The following PPRC1 variants were observed in gnomAD, a reference collection of about 807,000 sequenced individuals.
PPRC1 encodes the protein PPARG related coactivator 1.
PPRC1 carries 23 observed loss-of-function variants against 132.5 expected under a neutral mutation model. The ratio of observed to expected loss-of-function variants is 0.17; its 90% CI spans 0.12 to 0.25. The LOEUF is 0.25. Ranked by LOEUF, PPRC1 falls within the 10% of genes least tolerant of loss-of-function variation. The probability of loss-of-function intolerance (pLI) is 1.00; values close to 1 mark genes in which losing one functional copy is unlikely to be tolerated. For missense variants in PPRC1, 2,006 were observed against 2,089.1 expected (o/e 0.96, Z 0.78); for synonymous variants, 872 against 833.5 (o/e 1.05, Z -0.80).
the PPRC1 span, among the ~76,000 whole-genome samples, chr10:102,127,582 A>G: frequency 2.0e-5 from 3 of 151,398 alleles, no homozygotes; most frequent in Admixed American, 2.0e-4. Context: ...AATTTTTTGT[A>G]TTTTTAGTAG....
the PPRC1 span, chr10:102,120,514 T>C: frequency 5.4e-6 from 2 of 371,464 alleles, no homozygotes; most frequent in Non-Finnish European, 7.5e-6. Context: ...GGCCGGGCTT[T>C]ATTAATATGC....
At chr10:102,138,556 C>T in intron 2 of PPRC1, 63 bp from the exon 3 acceptor site, 3 of 1,576,390 alleles carry the variant, frequency 1.9e-6, no homozygotes, top group Non-Finnish European at 2.6e-6. Flanking sequence ...ATATCCAGTC[C>T]TTAGTGGCAT....
intron 1 of PPRC1, among the ~76,000 whole-genome samples, chr10:102,133,893 T>C (rs916398671): frequency 3.3e-5 from 5 of 151,624 alleles, no homozygotes; most frequent in Admixed American, 6.6e-5. Flanking sequence ...GTTTTTTTTT[T>C]CCCTGCTGCT....
chr10:102,131,209 A>C (rs2068536352), upstream of PPRC1, among the ~76,000 whole-genome samples: 1 of 151,560 alleles, frequency 6.6e-6, no homozygotes, highest in Non-Finnish European at 1.5e-5. Context: ...AAAAAAAAAA[A>C]AAATTAGCTG....
At chr10:102,132,170 G>A (rs557464142), upstream of PPRC1, among the ~76,000 whole-genome samples, 1 of 152,360 alleles carries the variant, frequency 6.6e-6, no homozygotes, top group South Asian at 2.1e-4. Flanking sequence ...AATCTGGGCA[G>A]TAGAACTATA....
At chr10:102,121,633 G>C in the PPRC1 span, among the ~76,000 whole-genome samples, 3 of 152,152 alleles carry the variant, frequency 2.0e-5, no homozygotes, top group Non-Finnish European at 2.9e-5. Flanking sequence ...GAGGGGAGCC[G>C]CCTGGAGTAG....
chr10:102,137,992 A>G lies in PPRC1; in HGVS notation c.296A>G (p.Asp99Gly). The change falls in exon 2 of 14, where the codon GAT (aspartate) becomes GGT (glycine). Residue 99 changes from aspartate to glycine, a missense_variant. By Grantham distance (94) the Asp-to-Gly change is moderately conservative. This residue lies in a region of PPRC1 where 1,914 missense variants were observed against 1,917.2 expected (regional missense o/e 1.00). Transcript: ENST00000278070. ...TLLGTMQSYM[D>G]ASLISLIEDF... Reference sequence around the variant, plus strand: ...CTGGGGACCATGCAGAGCTACATGGATGCCTCCCTTATCTCCCTCATTGAG... The same window carrying G: ...CTGGGGACCATGCAGAGCTACATGGGTGCCTCCCTTATCTCCCTCATTGAG... 1 of 1,613,994 alleles carries G rather than the reference A, an allele frequency of 6.2e-7. No homozygotes were observed. The highest frequency in any genetic ancestry group is 8.5e-7 in the Non-Finnish European group (1 of 1,179,972).
chr10:102,136,938 A>T (rs2068747636), intron 1 of PPRC1, among the ~76,000 whole-genome samples: 1 of 152,168 alleles, frequency 6.6e-6, no homozygotes, highest in Non-Finnish European at 1.5e-5. Context: ...CTTTCCATCT[A>T]GGGAATCAAG....
the PPRC1 span, chr10:102,119,993 CG>C: frequency 4.0e-6 from 4 of 1,000,954 alleles, no homozygotes; most frequent in African/African-American, 5.1e-5. Context: ...ATGCCATCGA[CG>C]CCCCCCACAC....
chr10:102,144,613 C>T (rs1353399509), intron 7 of PPRC1: 1 of 496,030 alleles, frequency 2.0e-6, no homozygotes, highest in African/African-American at 1.9e-5. Context: ...AATAACACTT[C>T]AAGTTTGCTC....
In PPRC1 at chr10:102,147,243, G is replaced by T; in HGVS notation, c.4251G>T (p.Gln1417His). ...GCAGGTCAGCCAGCCCCTCAAGCCAGGGCTGGCAGGGCCGCCGAGGCCGCA... is the reference window on the plus strand; with the variant it reads ...GCAGGTCAGCCAGCCCCTCAAGCCATGGCTGGCAGGGCCGCCGAGGCCGCA... ...KACRSASPSS[Q>H]GWQGRRGRNS... Residue 1417 changes from glutamine to histidine, a missense_variant, in exon 9 of 14, where the codon CAG (glutamine) becomes CAT (histidine). By Grantham distance (24) the Gln-to-His change is conservative. Transcript: ENST00000278070. 1 of 1,613,196 alleles carries T rather than the reference G, an allele frequency of 6.2e-7. No individual in the cohort carries two copies. Among genetic ancestry groups the T allele is most frequent in the Non-Finnish European group, 8.5e-7 (1 of 1,180,038 alleles).
the PPRC1 span, among the ~76,000 whole-genome samples, chr10:102,121,638 G>C: frequency 6.6e-6 from 1 of 152,158 alleles, no homozygotes; most frequent in African/African-American, 2.4e-5. Flanking sequence ...GAGCCGCCTG[G>C]AGTAGAGAGT....
At chr10:102,145,304 C>T (rs1339238315) in intron 8 of PPRC1, among the ~76,000 whole-genome samples, 10 of 152,232 alleles carry the variant, frequency 6.6e-5, no homozygotes, top group South Asian at 2.1e-4. Flanking sequence ...CAGTGGCTCG[C>T]GCCTGTAATC....
chr10:102,120,003 A>C, the PPRC1 span: 48 of 1,135,442 alleles, frequency 4.2e-5, no homozygotes, highest in Non-Finnish European at 5.5e-5. Context: ...CGCCCCCCAC[A>C]CAAGTTCTCG....
chr10:102,138,487 A>G (rs1227960589), intron 2 of PPRC1, 132 bp from the exon 3 acceptor site: 3 of 1,106,878 alleles, frequency 2.7e-6, no homozygotes, highest in Non-Finnish European at 3.9e-6. Context: ...GCCTTCTGGT[A>G]TTCAGATCCT....
At chr10:102,119,979 C>T in the PPRC1 span, 13 of 853,980 alleles carry the variant, frequency 1.5e-5, no homozygotes, top group African/African-American at 2.3e-4. Flanking sequence ...CCCCGGCTTC[C>T]CCCATGCCAT....
At position 102,148,789 on chromosome 10, in the gene PPRC1, G is replaced by C; in HGVS notation, c.4618-28G>C. ...CAGCTGTAGCCCTGGCTAATGGTGT[G>C]TTGATTTTTTTTCATTTCCAAACAT... is the stretch of plus-strand genomic sequence containing the variant. On this transcript the variant is annotated intron_variant, in intron 11 of 13. Transcript: ENST00000278070. The surrounding 1 kb of genome is among the most constrained non-coding windows in gnomAD (Gnocchi z 4.2). 1.2e-6 allele frequency: 2 copies of C among 1,614,170 alleles called. No homozygotes were observed. The highest frequency in any genetic ancestry group is 1.7e-6 in the Non-Finnish European group (2 of 1,180,028).
At chr10:102,128,159 G>C (rs1231934459), upstream of PPRC1, among the ~76,000 whole-genome samples, 1 of 139,000 alleles carries the variant, frequency 7.2e-6, no homozygotes, top group African/African-American at 2.7e-5. Context: ...TTTTTTTTTT[G>C]AGACAGAGTC....
In PPRC1 at chr10:102,141,683, C is replaced by T; in HGVS notation, c.3175C>T (p.Pro1059Ser). The change falls in exon 5 of 14, where the codon CCA becomes TCA. Residue 1059 changes from proline to serine, a missense_variant. Pro to Ser is a moderately conservative substitution (Grantham distance 74, BLOSUM62 -1). Coordinates refer to ENST00000278070, the MANE Select transcript of PPRC1 (RefSeq NM_015062.5). ...QTEPTKVEVK[P>S]VPASPHPKHK... is the part of the protein sequence containing the mutation. ...AGAGCCTACCAAGGTGGAGGTCAAG[C>T]CAGTGCCTGCATCTCCCCATCCGAA... is the stretch of plus-strand genomic sequence containing the variant. 6.2e-7 allele frequency: 1 copy of T among 1,614,018 alleles called. No individual in the cohort carries two copies. Among genetic ancestry groups the T allele is most frequent in the Non-Finnish European group, 8.5e-7 (1 of 1,179,932 alleles).
Sources: gnomAD v4.1 joint callset for allele counts (sites outside exome capture counted in the v4.1 genomes callset) on GRCh38, gnomAD v4.1.1 for gene constraint, gnomAD v4.1.1 regional missense constraint, Gnocchi (gnomAD v3.1) non-coding constraint, MANE v1.5 for transcripts, NCBI Gene and HGNC (gene_info 2026-07-23, HGNC 2026-07-21) for gene names.